PSG4: variants seen among roughly 807,000 people sequenced by gnomAD.
The protein encoded by PSG4 is pregnancy-specific beta-1-glycoprotein 4.
PSG4 carries 61 observed loss-of-function variants against 44.3 expected under a neutral mutation model. The observed-to-expected ratio is 1.38, with a 90% confidence interval of 1.12 to 1.70. PSG4 has a LOEUF of 1.70. Ranked by LOEUF, PSG4 falls within the 40% of genes most tolerant of loss-of-function variation. The probability of loss-of-function intolerance (pLI) is 0.00; values close to 1 mark genes in which losing one functional copy is unlikely to be tolerated. For synonymous variants in PSG4, 248 were observed against 191.3 expected (o/e 1.30, Z -2.45); for missense variants, 677 against 511.7 (o/e 1.32, Z -3.12).
chr19:43,193,938 G>A lies in PSG4; in HGVS notation c.1243+402C>T, dbSNP rs149204064. Reference sequence around the variant, plus strand: ...AGTCAGGTAGAGAGCAAAAGTAAATGTTTCAATTACGGTTCCCAGAAGTAT... The same window carrying A: ...AGTCAGGTAGAGAGCAAAAGTAAATATTTCAATTACGGTTCCCAGAAGTAT... On this transcript the variant is annotated intron_variant, in intron 5 of 5. Coordinates refer to ENST00000405312, the MANE Select transcript of PSG4 (RefSeq NM_002780.5). 1.1e-3 allele frequency: 822 copies of A among 756,518 alleles called. 18 individuals carry two copies. The African/African-American group carries it at 0.013, about 12-fold the overall frequency. The allele number at this position is 756,518 out of a possible 1,614,324, so 46.9% of individuals were successfully genotyped here. A position where few individuals can be genotyped will look rare whatever the true frequency, so the allele number is the denominator to read the frequency against.
intron 2 of PSG4, chr19:43,203,357 G>C (rs912344139): frequency 6.6e-6 from 1 of 152,016 alleles, no homozygotes; most frequent in African/African-American, 2.6e-5. Context: ...AGCCCTGGCT[G>C]GTGAACAGCT....
rs1967754175 is a variant in PSG4 at position 43,205,612 on chromosome 19, C to G, written c.-76G>C. The G allele has an allele frequency of 2.1e-6, 3 of 1,396,028 alleles. No homozygotes were observed. Among genetic ancestry groups the G allele is most frequent in the South Asian group, 1.3e-5 (1 of 77,834 alleles). 86.5% of individuals were successfully genotyped at this position (1,396,028 alleles called of 1,614,324 possible). A position where few individuals can be genotyped will look rare whatever the true frequency, so the allele number is the denominator to read the frequency against. On this transcript the variant is annotated 5_prime_UTR_variant, in exon 1 of 6. Coordinates refer to ENST00000405312, the MANE Select transcript of PSG4 (RefSeq NM_002780.5). The stretch of plus-strand genomic sequence containing the variant: ...GAAGCTTCCTGAGTACGGCTGTCAG[C>G]TGTGCTGTCCTTCCTCCTTCTGTGC...
rs758762301 is a variant in PSG4, at chr19:43,195,361, C to T, written c.710-88G>A. The T allele has an allele frequency of 5.6e-5, 86 of 1,545,982 alleles. 1 individual carries two copies. The highest frequency in any genetic ancestry group is 7.3e-5 in the Non-Finnish European group (83 of 1,139,374). ...TTCAATCAGAGTTGGCATCTCCCACCTCTCAGCCCACCCGAGTCCTTGAAA... is the reference window on the plus strand; with the variant it reads ...TTCAATCAGAGTTGGCATCTCCCACTTCTCAGCCCACCCGAGTCCTTGAAA... On this transcript the variant is annotated intron_variant, in intron 3 of 5. Transcript: ENST00000405312.
rs375297997 is a variant in PSG4, at chr19:43,195,029, G to T, written c.954C>A (p.Gly318=). Residue 318 remains glycine (G), a synonymous_variant, in exon 4 of 6, where the codon GGC becomes GGA. Transcript: ENST00000405312. ...YQCEIRDRYG[G]IRSDPVTLNV... ...TCAGGGTGACTGGGTCACTGCGGAT[G>T]CCACCATATCGGTCCCGTATTTCAC... The T allele has an allele frequency of 4.3e-5, 69 of 1,611,944 alleles. 2 individuals carry two copies. The highest frequency in any genetic ancestry group is 5.7e-5 in the Non-Finnish European group (67 of 1,179,068).
At position 43,202,524 on chromosome 19, in the gene PSG4, T is replaced by A. The variant is rs540861260; in HGVS notation, c.430+1362A>T. On this transcript the variant is annotated intron_variant, in intron 2 of 5. Coordinates refer to ENST00000405312, the MANE Select transcript of PSG4 (RefSeq NM_002780.5). Reference sequence around the variant, plus strand: ...TGGATCATTCATTTCTTCATTCCATTCCTTCATTTGTTATGTGAGAGCTCC... The same window carrying A: ...TGGATCATTCATTTCTTCATTCCATACCTTCATTTGTTATGTGAGAGCTCC... 3.2e-4 allele frequency among the ~76,000 whole-genome samples: 46 copies of A among 144,420 alleles called. 8 individuals carry two copies. The highest frequency in any genetic ancestry group is 1.7e-3 in the Admixed American group (25 of 14,574). 94.7% of individuals were successfully genotyped at this position (144,420 alleles called of 152,430 possible). A position where few individuals can be genotyped will look rare whatever the true frequency, so the allele number is the denominator to read the frequency against.
Position 43,204,027 on chromosome 19 carries a change from C to A in PSG4, c.289G>T (p.Gly97Ter), listed in dbSNP as rs772288582. Residue 97 changes from glycine (G) to a stop codon, truncating the protein, a stop_gained, in exon 2 of 6, where the codon GGA (glycine) becomes TGA (stop). Coordinates refer to ENST00000405312, the MANE Select transcript of PSG4 (RefSeq NM_002780.5). LOFTEE classifies it high-confidence loss of function. ...QRIIYGPAYS[G>*]RERVYSNASL... ...GCATTGGAATATACTCTTTCTCTTC[C>A]ACTGTATGCAGGCCCATATATAATT... The A allele has an allele frequency of 1.9e-5, 30 of 1,587,726 alleles. 3 individuals are homozygous for A. In the South Asian group the frequency reaches 3.2e-4, roughly 17 times the overall value.
chr19:43,193,107 G>A lies in PSG4; in HGVS notation c.*265C>T, dbSNP rs575362866. ...AGAGGGGTGGGAGCCTTATCATGATGGGGAGTCTTGTTCTGACATCTTTGG... is the reference window on the plus strand; with the variant it reads ...AGAGGGGTGGGAGCCTTATCATGATAGGGAGTCTTGTTCTGACATCTTTGG... On this transcript the variant is annotated 3_prime_UTR_variant, in exon 6 of 6. Transcript: ENST00000405312. 3 of 639,524 alleles carry A rather than the reference G, an allele frequency of 4.7e-6. No individual in the cohort carries two copies. The African/African-American group carries it at 5.5e-5, about 12-fold the overall frequency. 39.6% of individuals were successfully genotyped at this position (639,524 alleles called of 1,614,324 possible).
At chr19:43,193,455 A>C in intron 5 of PSG4, 67 bp from the exon 6 acceptor site, 1 of 763,900 alleles carries the variant, frequency 1.3e-6, no homozygotes, top group Non-Finnish European at 2.4e-6. Flanking sequence ...GGTGTACTAC[A>C]GTTTTTATTT....
chr19:43,193,290 G>A lies in PSG4; in HGVS notation c.*82C>T. ...ATTTACATCGAGTTGTCCACCTCCA[G>A]CTTATAGGGCTTCTGGAACAGAGTG... On this transcript the variant is annotated 3_prime_UTR_variant, in exon 6 of 6. Transcript: ENST00000405312. 3 of 772,630 alleles carry A rather than the reference G, an allele frequency of 3.9e-6. No homozygotes were observed. Among genetic ancestry groups the A allele is most frequent in the Non-Finnish European group, 2.4e-6 (1 of 417,582 alleles). 47.9% of individuals were successfully genotyped at this position (772,630 alleles called of 1,614,324 possible).
rs369022798 is a variant in PSG4 at position 43,197,982 on chromosome 19, A to T, written c.709+15T>A. On this transcript the variant is annotated intron_variant, in intron 3 of 5. Transcript: ENST00000405312. ...GGATGGCAGCCTGGCTCACAGAGGAACAGAGGATACTCACGGAGGAGATTC... is the reference window on the plus strand; with the variant it reads ...GGATGGCAGCCTGGCTCACAGAGGATCAGAGGATACTCACGGAGGAGATTC... 1.4e-4 allele frequency: 217 copies of T among 1,587,674 alleles called. 29 individuals carry two copies. In the Middle Eastern group the frequency reaches 4.7e-3, roughly 34 times the overall value.
chr19:43,202,820 A>C (rs11670923), intron 2 of PSG4, among the ~76,000 whole-genome samples: 1 of 142,610 alleles, frequency 7.0e-6, no homozygotes, highest in Non-Finnish European at 1.5e-5. Context: ...GGATGCCTAA[A>C]AAGAGAGGAT....
intron 3 of PSG4, chr19:43,196,896 G>T (rs1302262642): frequency 6.9e-6 from 1 of 145,700 alleles, no homozygotes; most frequent in Non-Finnish European, 1.5e-5. Flanking sequence ...TCTGGTAGGG[G>T]TTGCATTGAA....
At position 43,204,816 on chromosome 19, in the gene PSG4, T is replaced by A. The variant is rs11669435; in HGVS notation, c.65-565A>T. 7.2e-6 allele frequency: 3 copies of A among 415,554 alleles called. 1 individual carries two copies. In the East Asian group the frequency reaches 4.6e-4, roughly 64 times the overall value. The allele number at this position is 415,554 out of a possible 1,614,324, so 25.7% of individuals were successfully genotyped here. A position where few individuals can be genotyped will look rare whatever the true frequency, so the allele number is the denominator to read the frequency against. ...GTGAGAGTTCTCAGGGTCTCCACCC[T>A]CTGGATGTTTCTTTTTCCCCCCAAT... On this transcript the variant is annotated intron_variant, in intron 1 of 5. Transcript: ENST00000405312.
At chr19:43,193,774 C>T in intron 5 of PSG4, 1 of 529,510 alleles carries the variant, frequency 1.9e-6, no homozygotes, top group South Asian at 2.5e-5. Flanking sequence ...TATAACATCC[C>T]AGTCAAAGCC....
At chr19:43,194,895 G>A in intron 4 of PSG4, 100 bp downstream of exon 4, 4 of 1,554,670 alleles carry the variant, frequency 2.6e-6, no homozygotes, top group South Asian at 1.3e-5. Context: ...CAGAAGTAAA[G>A]GTGTCTATAC....
rs528829317 is a variant in PSG4 at position 43,205,165 on chromosome 19, T to C, written c.64+308A>G. On this transcript the variant is annotated intron_variant, in intron 1 of 5. Coordinates refer to ENST00000405312, the MANE Select transcript of PSG4 (RefSeq NM_002780.5). ...TCCTGTCACCCAGGCTGGTGTGCAGTAGTGCTATCTTGGCTAGCTGCAACT... is the reference window on the plus strand; with the variant it reads ...TCCTGTCACCCAGGCTGGTGTGCAGCAGTGCTATCTTGGCTAGCTGCAACT... 3.3e-5 allele frequency among the ~76,000 whole-genome samples: 4 copies of C among 122,000 alleles called. No individual in the cohort carries two copies. The South Asian group carries it at 1.2e-3, about 35-fold the overall frequency. 80.0% of individuals were successfully genotyped at this position (122,000 alleles called of 152,430 possible). A position where few individuals can be genotyped will look rare whatever the true frequency, so the allele number is the denominator to read the frequency against.
intron 3 of PSG4, chr19:43,196,785 T>G (rs1967267348): frequency 6.6e-6 from 1 of 151,312 alleles, no homozygotes; most frequent in Non-Finnish European, 1.5e-5. Flanking sequence ...CATGGTTGCC[T>G]CTTTTTCTCA....
At chr19:43,203,857 A>G in intron 2 of PSG4, 29 bp downstream of exon 2, 1 of 1,570,016 alleles carries the variant, frequency 6.4e-7, no homozygotes, top group African/African-American at 1.4e-5. Flanking sequence ...CTGTCCCCCA[A>G]CACCCAGGGA....
Position 43,205,599 on chromosome 19 carries a change from G to A in PSG4, c.-63C>T, listed in dbSNP as rs778108521. ...AGCCTAGGATCCAGAAGCTTCCTGA[G>A]TACGGCTGTCAGCTGTGCTGTCCTT... is the stretch of plus-strand genomic sequence containing the variant. On this transcript the variant is annotated 5_prime_UTR_variant, in exon 1 of 6. Transcript: ENST00000405312. 1.8e-5 allele frequency: 27 copies of A among 1,459,620 alleles called. 1 individual carries two copies. The highest frequency in any genetic ancestry group is 2.5e-5 in the Non-Finnish European group (27 of 1,088,404). The allele number at this position is 1,459,620 out of a possible 1,614,324, so 90.4% of individuals were successfully genotyped here. A position where few individuals can be genotyped will look rare whatever the true frequency, so the allele number is the denominator to read the frequency against.
Sources: allele counts gnomAD v4.1 joint callset (sites outside exome capture counted in the v4.1 genomes callset), GRCh38; gene constraint gnomAD v4.1.1; transcripts MANE v1.5; gene names NCBI Gene and HGNC (gene_info 2026-07-23, HGNC 2026-07-21).